Variants in ZNF518A observed in about 807,000 individuals in gnomAD.
ZNF518A encodes the protein zinc finger protein 518A.
In ZNF518A, 47 loss-of-function variants were observed where a neutral mutation model predicts 102.7. The ratio of observed to expected loss-of-function variants is 0.46; its 90% CI spans 0.36 to 0.58. ZNF518A has a LOEUF of 0.58. Ranked by LOEUF, ZNF518A falls within the 20% of genes least tolerant of loss-of-function variation. ZNF518A has a pLI of 0.00. For missense variants in ZNF518A, 1,793 were observed against 1,699.8 expected (o/e 1.05, Z -0.96); for synonymous variants, 652 against 594.6 (o/e 1.10, Z -1.40).
intron 3 of ZNF518A, among the ~76,000 whole-genome samples, chr10:96,137,439 C>G (rs1227405351): frequency 6.6e-6 from 1 of 152,202 alleles, no homozygotes; most frequent in Non-Finnish European, 1.5e-5. Flanking sequence ...TTTTGCCTTA[C>G]ATCCAAGCTT....
intron 1 of ZNF518A, among the ~76,000 whole-genome samples, chr10:96,169,589 G>A (rs1251568346): frequency 6.6e-6 from 1 of 152,210 alleles, no homozygotes; most frequent in East Asian, 1.9e-4. Context: ...CTTTAAACAT[G>A]GTTTCTTTTA....
intron 1 of ZNF518A, among the ~76,000 whole-genome samples, chr10:96,193,357 A>G (rs1205881393): frequency 2.0e-5 from 3 of 152,236 alleles, no homozygotes; most frequent in African/African-American, 7.2e-5. Flanking sequence ...GAAGTGGATT[A>G]CAAGGGAAAA....
rs2082878767 is a variant in ZNF518A, at chr10:96,159,351, A to G, written c.3029A>G (p.Lys1010Arg). Reference sequence around the variant, plus strand: ...GGAACTGTGACTAAGGAGCCTTGCAAAACACCTATTTTGAAGGTAGAACCA... The same window carrying G: ...GGAACTGTGACTAAGGAGCCTTGCAGAACACCTATTTTGAAGGTAGAACCA... Reference protein sequence around the residue: ...ARGTVTKEPCKTPILKVEPNN... With the variant: ...ARGTVTKEPCRTPILKVEPNN... The change falls in exon 6 of 6, where the codon AAA (lysine) becomes AGA (arginine). Residue 1010 changes from lysine (K) to arginine (R), a missense_variant. Lys to Arg is a conservative substitution (Grantham distance 26). This residue lies in a region of ZNF518A where 1,741 missense variants were observed against 1,622.6 expected (regional missense o/e 1.07). Coordinates refer to ENST00000316045, the MANE Select transcript of ZNF518A (RefSeq NM_001330736.2). 1 of 1,613,790 alleles carries G rather than the reference A, an allele frequency of 6.2e-7. No individual in the cohort carries two copies.
At chr10:96,190,423 C>T (rs1554893119) in intron 1 of ZNF518A, among the ~76,000 whole-genome samples, 1 of 152,156 alleles carries the variant, frequency 6.6e-6, no homozygotes, top group Non-Finnish European at 1.5e-5. Flanking sequence ...CCCTACTGAC[C>T]TCATCTTACC....
Position 96,161,928 on chromosome 10 carries a change from A to C in ZNF518A, c.*1154A>C, listed in dbSNP as rs1328783139. 6.0e-6 allele frequency: 1 copy of C among 166,998 alleles called. No individual in the cohort carries two copies. Among genetic ancestry groups the C allele is most frequent in the African/African-American group, 2.4e-5 (1 of 41,458 alleles). 10.3% of individuals were successfully genotyped at this position (166,998 alleles called of 1,614,324 possible). ...ACCTTAGGATAGATTCCTAAGGGACATGCCCAACAGAGTTTTAAAATGGAT... is the reference window on the plus strand; with the variant it reads ...ACCTTAGGATAGATTCCTAAGGGACCTGCCCAACAGAGTTTTAAAATGGAT... On this transcript the variant is annotated 3_prime_UTR_variant, in exon 6 of 6. Coordinates refer to ENST00000316045, the MANE Select transcript of ZNF518A (RefSeq NM_001330736.2).
intron 1 of ZNF518A, among the ~76,000 whole-genome samples, chr10:96,189,116 G>A (rs1554892914): frequency 6.6e-6 from 1 of 152,114 alleles, no homozygotes; most frequent in African/African-American, 2.4e-5. Flanking sequence ...TCTGACCACT[G>A]CTACTACTAT....
At chr10:96,193,068 T>G (rs1398482738) in intron 1 of ZNF518A, among the ~76,000 whole-genome samples, 1 of 152,180 alleles carries the variant, frequency 6.6e-6, no homozygotes, top group African/African-American at 2.4e-5. Flanking sequence ...GGCCAACATT[T>G]CCAAATGAAA....
chr10:96,199,223 G>C (rs2083560377), intron 1 of ZNF518A, among the ~76,000 whole-genome samples: 1 of 152,086 alleles, frequency 6.6e-6, no homozygotes, highest in Non-Finnish European at 1.5e-5. Context: ...TGGAGTGCAA[G>C]AAAACAAAGA....
chr10:96,141,243 A>C (rs984983461), intron 3 of ZNF518A, among the ~76,000 whole-genome samples: 1 of 150,328 alleles, frequency 6.7e-6, no homozygotes. Context: ...TAATGAAATT[A>C]TGTAATAGTA....
chr10:96,144,909 A>G (rs1319261491), intron 3 of ZNF518A, among the ~76,000 whole-genome samples: 1 of 152,240 alleles, frequency 6.6e-6, no homozygotes, highest in Non-Finnish European at 1.5e-5. Flanking sequence ...GTTCAACATT[A>G]TAGTTGCTAT....
chr10:96,141,748 ATT>A (rs11361841), intron 3 of ZNF518A, among the ~76,000 whole-genome samples: 31,979 of 125,124 alleles, frequency 0.26, 4,182 homozygotes, highest in Middle Eastern at 0.38. Flanking sequence ...TTTCTTCTTC[ATT>A]TTTTTTTTTT....
At chr10:96,150,353 T>C (rs2082375057) in intron 3 of ZNF518A, among the ~76,000 whole-genome samples, 2 of 148,132 alleles carry the variant, frequency 1.4e-5, no homozygotes, top group South Asian at 4.3e-4. Flanking sequence ...AAAAAAAAAA[T>C]TGATGTCTGA....
At chr10:96,142,926 C>A (rs2082007317) in intron 3 of ZNF518A, among the ~76,000 whole-genome samples, 1 of 152,004 alleles carries the variant, frequency 6.6e-6, no homozygotes, top group Non-Finnish European at 1.5e-5. Context: ...CATGTCTCAG[C>A]CTCCTGAGTA....
chr10:96,134,031 T>C (rs1264735567), intron 3 of ZNF518A, among the ~76,000 whole-genome samples: 1 of 152,212 alleles, frequency 6.6e-6, no homozygotes, highest in African/African-American at 2.4e-5. Flanking sequence ...TTCCTAAAGG[T>C]TGAGCATCCC....
At chr10:96,180,844 CT>C (rs201353713) in intron 1 of ZNF518A, among the ~76,000 whole-genome samples, 36,450 of 152,118 alleles carry the variant, frequency 0.24, 5,623 homozygotes, top group Middle Eastern at 0.36. Flanking sequence ...ATTTATAATT[CT>C]TTGGGTATAT....
chr10:96,191,943 A>C, intron 1 of ZNF518A: 1 of 1,613,116 alleles, frequency 6.2e-7, no homozygotes, highest in Non-Finnish European at 8.5e-7. Context: ...AAGTGTCTGA[A>C]GCAATGGTAT....
At chr10:96,131,004 A>G (rs2142180445) in intron 1 of ZNF518A, among the ~76,000 whole-genome samples, 1 of 152,366 alleles carries the variant, frequency 6.6e-6, no homozygotes, top group South Asian at 2.1e-4. Flanking sequence ...TACAACAGTT[A>G]AGACTCAGTT....
intron 3 of ZNF518A, among the ~76,000 whole-genome samples, chr10:96,143,474 T>G (rs1217492934): frequency 6.6e-6 from 1 of 152,230 alleles, no homozygotes; most frequent in Non-Finnish European, 1.5e-5. Context: ...TGCCTTTGCT[T>G]CTTTCTTACA....
chr10:96,192,231 T>C (rs1296354158), intron 1 of ZNF518A: 1 of 1,209,872 alleles, frequency 8.3e-7, no homozygotes, highest in African/African-American at 1.5e-5. Flanking sequence ...AAATCTAGTT[T>C]AACAAAGGCT....
Sources: allele counts gnomAD v4.1 joint callset (sites outside exome capture counted in the v4.1 genomes callset), GRCh38; gene constraint gnomAD v4.1.1; regional missense constraint gnomAD v4.1.1; transcripts MANE v1.5; gene names NCBI Gene and HGNC (gene_info 2026-07-23, HGNC 2026-07-21).